FBXO4: variants seen among roughly 807,000 people sequenced by gnomAD.
FBXO4 encodes the protein F-box protein 4, also known as F-box only protein 4.
In FBXO4, 36 loss-of-function variants were observed where a neutral mutation model predicts 43.7. The ratio of observed to expected loss-of-function variants is 0.82; its 90% CI spans 0.63 to 1.09. FBXO4 has a LOEUF of 1.09. Among genes scored for constraint, FBXO4 ranks in the 50% least tolerant of loss-of-function variants. The pLI is 0.00. For missense variants in FBXO4, 435 were observed against 474.1 expected (o/e 0.92, Z 0.77); for synonymous variants, 180 against 165.6 (o/e 1.09, Z -0.67).
At chr5:41,944,827 G>C (rs553321436), downstream of FBXO4, among the ~76,000 whole-genome samples, 3 of 152,262 alleles carry the variant, frequency 2.0e-5, no homozygotes, top group African/African-American at 7.2e-5. Context: ...TTTTGCAATG[G>C]CACATAAGTT....
chr5:42,017,522 G>A, the FBXO4 span, among the ~76,000 whole-genome samples: 1 of 151,778 alleles, frequency 6.6e-6, no homozygotes, highest in Non-Finnish European at 1.5e-5. Flanking sequence ...TAAGGTTTGG[G>A]ACATGAATTA....
the FBXO4 span, among the ~76,000 whole-genome samples, chr5:41,970,819 T>A: frequency 6.6e-6 from 1 of 151,952 alleles, no homozygotes; most frequent in Non-Finnish European, 1.5e-5. Context: ...CAATACAGAA[T>A]ATAGACTATA....
chr5:42,032,727 C>A, the FBXO4 span, among the ~76,000 whole-genome samples: 3 of 152,116 alleles, frequency 2.0e-5, no homozygotes, highest in African/African-American at 4.8e-5. Context: ...TCTACCCCCC[C>A]GTGGCTGTGC....
chr5:42,028,295 T>C, the FBXO4 span, among the ~76,000 whole-genome samples: 8 of 151,912 alleles, frequency 5.3e-5, no homozygotes, highest in African/African-American at 1.9e-4. Flanking sequence ...TTTCTTCTTA[T>C]TGTTTTTGTC....
chr5:41,928,961 T>C (rs1751595825), intron 2 of FBXO4, among the ~76,000 whole-genome samples: 2 of 152,234 alleles, frequency 1.3e-5, no homozygotes, highest in African/African-American at 4.8e-5. Context: ...TTTACATCAT[T>C]CTTAGTTTGC....
chr5:41,957,251 T>C, the FBXO4 span, among the ~76,000 whole-genome samples: 1 of 151,936 alleles, frequency 6.6e-6, no homozygotes, highest in Non-Finnish European at 1.5e-5. Flanking sequence ...TGATAACTTA[T>C]TTGATAATCT....
At chr5:42,027,882 T>C in the FBXO4 span, among the ~76,000 whole-genome samples, 2 of 151,994 alleles carry the variant, frequency 1.3e-5, no homozygotes, top group Admixed American at 1.3e-4. Flanking sequence ...CATTCCATTG[T>C]GGCCAGAGAA....
At chr5:41,941,876 C>T (rs2112590932), downstream of FBXO4, 1 of 152,272 alleles carries the variant, frequency 6.6e-6, no homozygotes, top group African/African-American at 2.4e-5. Context: ...TTACTATTTT[C>T]AGATAACTTC....
At chr5:42,026,647 G>C in the FBXO4 span, among the ~76,000 whole-genome samples, 7 of 151,940 alleles carry the variant, frequency 4.6e-5, no homozygotes, top group South Asian at 1.2e-3. Context: ...CTGGATCTTA[G>C]ATGAAAGGAT....
At chr5:42,038,670 A>C in the FBXO4 span, among the ~76,000 whole-genome samples, 1 of 152,034 alleles carries the variant, frequency 6.6e-6, no homozygotes, top group Non-Finnish European at 1.5e-5. Flanking sequence ...ATTACTGTTA[A>C]CTATAGTCAC....
chr5:41,965,194 A>C, the FBXO4 span, among the ~76,000 whole-genome samples: 3 of 152,172 alleles, frequency 2.0e-5, no homozygotes, highest in Non-Finnish European at 2.9e-5. Context: ...AGATGGTTGT[A>C]GACATGCAGC....
the FBXO4 span, among the ~76,000 whole-genome samples, chr5:42,000,458 G>A: frequency 1.3e-5 from 2 of 152,064 alleles, no homozygotes; most frequent in African/African-American, 2.4e-5. Context: ...TTGAGATATT[G>A]AAATATTTGT....
the FBXO4 span, among the ~76,000 whole-genome samples, chr5:41,974,612 C>T: frequency 6.6e-6 from 1 of 152,066 alleles, no homozygotes; most frequent in Admixed American, 6.5e-5. Context: ...CCATTTGATC[C>T]ATTCTTTTTT....
chr5:42,017,943 T>C, the FBXO4 span, among the ~76,000 whole-genome samples: 1 of 151,988 alleles, frequency 6.6e-6, no homozygotes, highest in African/African-American at 2.4e-5. Flanking sequence ...ATTTGTTTTC[T>C]TTTGGATATA....
chr5:41,989,143 C>G, the FBXO4 span, among the ~76,000 whole-genome samples: 2 of 152,188 alleles, frequency 1.3e-5, no homozygotes, highest in Non-Finnish European at 2.9e-5. Context: ...ACCAGTGAAC[C>G]TGATATATCC....
the FBXO4 span, chr5:41,952,155 GTCC>G: frequency 6.1e-6 from 1 of 164,610 alleles, no homozygotes; most frequent in Non-Finnish European, 1.3e-5. Context: ...GACATTTTCT[GTCC>G]TCCTTCATTT....
the FBXO4 span, among the ~76,000 whole-genome samples, chr5:41,965,946 A>G: frequency 6.6e-6 from 1 of 152,220 alleles, no homozygotes; most frequent in Admixed American, 6.5e-5. Flanking sequence ...TGGGACATAC[A>G]CCATGGAATA....
chr5:41,984,540 T>A, the FBXO4 span, among the ~76,000 whole-genome samples: 1 of 152,202 alleles, frequency 6.6e-6, no homozygotes, highest in African/African-American at 2.4e-5. Flanking sequence ...TCTTTCTTTC[T>A]GAGGAGGTGT....
the FBXO4 span, among the ~76,000 whole-genome samples, chr5:41,989,751 G>A: frequency 6.6e-6 from 1 of 152,146 alleles, no homozygotes; most frequent in Non-Finnish European, 1.5e-5. Context: ...GCTCCCCATT[G>A]CTTCCCCTAT....
Sources: gnomAD v4.1 joint callset for allele counts (sites outside exome capture counted in the v4.1 genomes callset) on GRCh38, gnomAD v4.1.1 for gene constraint, MANE v1.5 for transcripts, NCBI Gene and HGNC (gene_info 2026-07-23, HGNC 2026-07-21) for gene names.